The following ASCC3 variants were observed in gnomAD, a reference collection of about 807,000 sequenced individuals.
ASCC3 encodes activating signal cointegrator 1 complex subunit 3.
ASCC3 carries 158 observed loss-of-function variants against 256.3 expected under a neutral mutation model. That is an observed-to-expected ratio of 0.62 (90% CI 0.54 to 0.70). ASCC3 has a LOEUF of 0.70. Among genes scored for constraint, ASCC3 ranks in the 30% least tolerant of loss-of-function variants. ASCC3 has a pLI of 0.00. For synonymous variants in ASCC3, 948 were observed against 883.4 expected, an observed-to-expected ratio of 1.07 and a Z score of -1.30; for missense variants, 2,259 against 2,626.0, an observed-to-expected ratio of 0.86 and a Z score of 3.05.
intron 34 of ASCC3, among the ~76,000 whole-genome samples, chr6:100,590,493 G>A (rs71566346): frequency 2.5e-4 from 38 of 152,166 alleles, no homozygotes; most frequent in Non-Finnish European, 2.2e-4. Context: ...AAACAGATCC[G>A]AAGAGCAAGG....
chr6:100,517,709 T>C (rs1352969778), intron 38 of ASCC3, among the ~76,000 whole-genome samples: 1 of 152,156 alleles, frequency 6.6e-6, no homozygotes, highest in African/African-American at 2.4e-5. Flanking sequence ...AAGATTGATA[T>C]TATAAAAGAA....
chr6:100,563,662 C>T (rs537207386), intron 36 of ASCC3, among the ~76,000 whole-genome samples: 1 of 152,038 alleles, frequency 6.6e-6, no homozygotes, highest in South Asian at 2.1e-4. Context: ...TGCCCAATGC[C>T]GAAGCCAGAC....
intron 11 of ASCC3, among the ~76,000 whole-genome samples, chr6:100,721,254 T>C (rs1246303215): frequency 6.6e-6 from 1 of 151,748 alleles, no homozygotes; most frequent in Non-Finnish European, 1.5e-5. Context: ...TGGCCTCTAA[T>C]GTTCTATAGT....
At chr6:100,656,192 G>C (rs1179011328) in intron 16 of ASCC3, among the ~76,000 whole-genome samples, 1 of 151,422 alleles carries the variant, frequency 6.6e-6, no homozygotes, top group African/African-American at 2.4e-5. Context: ...AAAAATGTAA[G>C]TGTTAAGTGC....
intron 13 of ASCC3, among the ~76,000 whole-genome samples, chr6:100,694,277 G>C (rs1777972585): frequency 6.6e-6 from 1 of 151,278 alleles, no homozygotes; most frequent in African/African-American, 2.4e-5. Context: ...GATTAGCCTG[G>C]GCAACAAAGG....
At chr6:100,653,362 G>T (rs900634802) in intron 17 of ASCC3, among the ~76,000 whole-genome samples, 1 of 151,974 alleles carries the variant, frequency 6.6e-6, no homozygotes, top group Non-Finnish European at 1.5e-5. Flanking sequence ...TTATCCGGCC[G>T]GGCACAGTGG....
chr6:100,801,720 T>C (rs1769926056), intron 5 of ASCC3, among the ~76,000 whole-genome samples: 1 of 151,872 alleles, frequency 6.6e-6, no homozygotes, highest in South Asian at 2.1e-4. Context: ...TCTCTTATTT[T>C]CCAATTAAGT....
chr6:100,753,705 T>TA (rs1421214412), intron 10 of ASCC3, among the ~76,000 whole-genome samples: 3 of 152,020 alleles, frequency 2.0e-5, no homozygotes, highest in Non-Finnish European at 4.4e-5. Flanking sequence ...AGGAGAAAAT[T>TA]AGAGTAGTGG....
chr6:100,602,003 C>A, intron 33 of ASCC3, 68 bp from the exon 34 acceptor site: 2 of 1,539,930 alleles, frequency 1.3e-6, no homozygotes, highest in Non-Finnish European at 1.8e-6. Context: ...ATTTATCTCA[C>A]ATAGTCAAGA....
chr6:100,607,031 C>G lies in ASCC3; in HGVS notation c.4843G>C (p.Gly1615Arg). 1 of 1,613,536 alleles carries G rather than the reference C, an allele frequency of 6.2e-7. No homozygotes were observed. Among genetic ancestry groups the G allele is most frequent in the Non-Finnish European group, 8.5e-7 (1 of 1,179,748 alleles). ...AGTCCAGCATGATGCATTCCTATCCCGAAAGCAAGGGTCAGCTTGAGGTTG... is the reference window on the plus strand; with the variant it reads ...AGTCCAGCATGATGCATTCCTATCCGGAAAGCAAGGGTCAGCTTGAGGTTG... ...DSNLKLTLAF[G>R]IGMHHAGLHE... The change falls in exon 31 of 42, where the codon GGG (glycine) becomes CGG (arginine). Residue 1615 changes from glycine to arginine, a missense_variant. Around this residue, in one of 2 missense-constraint regions of ASCC3, gnomAD observed 1,839 missense variants for 2,206.7 expected, o/e 0.83. Transcript: ENST00000369162.
At chr6:100,576,972 A>G (rs1770901915) in intron 36 of ASCC3, among the ~76,000 whole-genome samples, 1 of 151,718 alleles carries the variant, frequency 6.6e-6, no homozygotes, top group South Asian at 2.1e-4. Context: ...GTTTCATATA[A>G]TGGAATAATA....
chr6:100,711,873 C>T (rs545624390), intron 13 of ASCC3, among the ~76,000 whole-genome samples: 2 of 152,262 alleles, frequency 1.3e-5, no homozygotes, highest in African/African-American at 4.8e-5. Context: ...ATAGCCAACA[C>T]AATATTGCAA....
At chr6:100,662,107 G>A in intron 15 of ASCC3, 77 bp from the exon 16 acceptor site, 1 of 1,372,014 alleles carries the variant, frequency 7.3e-7, no homozygotes, top group Non-Finnish European at 1.0e-6. Context: ...ACTGAAATTA[G>A]GCAAATATGG....
chr6:100,879,214 C>A (rs1163247245), intron 1 of ASCC3, among the ~76,000 whole-genome samples: 1 of 152,178 alleles, frequency 6.6e-6, no homozygotes, highest in East Asian at 1.9e-4. Context: ...ACTTCCTGGG[C>A]ACACCACCTC....
intron 10 of ASCC3, among the ~76,000 whole-genome samples, chr6:100,729,304 G>A (rs1384053287): frequency 6.6e-6 from 1 of 152,078 alleles, no homozygotes; most frequent in Non-Finnish European, 1.5e-5. Flanking sequence ...CAGAGAGAAT[G>A]TGTGTGTGAA....
At chr6:100,759,977 G>A (rs957543600) in intron 10 of ASCC3, among the ~76,000 whole-genome samples, 6 of 152,090 alleles carry the variant, frequency 3.9e-5, no homozygotes, top group African/African-American at 9.7e-5. Flanking sequence ...GTAAAGGAAT[G>A]CTTGTGATCT....
At chr6:100,599,655 A>G (rs1259806567) in intron 34 of ASCC3, among the ~76,000 whole-genome samples, 2 of 151,888 alleles carry the variant, frequency 1.3e-5, no homozygotes, top group Non-Finnish European at 2.9e-5. Flanking sequence ...TTTAAAATAG[A>G]AAGTTCAACA....
intron 8 of ASCC3, among the ~76,000 whole-genome samples, chr6:100,793,899 T>C (rs538790374): frequency 3.9e-5 from 6 of 152,140 alleles, no homozygotes; most frequent in Admixed American, 1.3e-4. Context: ...AAGTTTTTCC[T>C]ATTTCCTATT....
intron 6 of ASCC3, 25 bp from the exon 7 acceptor site, chr6:100,799,597 T>C: frequency 1.2e-6 from 2 of 1,606,944 alleles, no homozygotes; most frequent in Non-Finnish European, 1.7e-6. Flanking sequence ...ATAGGCCTAA[T>C]TTGAAATGTT....
Sources: gnomAD v4.1 joint callset for allele counts (sites outside exome capture counted in the v4.1 genomes callset) on GRCh38, gnomAD v4.1.1 for gene constraint, gnomAD v4.1.1 regional missense constraint, MANE v1.5 for transcripts, NCBI Gene and HGNC (gene_info 2026-07-23, HGNC 2026-07-21) for gene names.